Variants in RABGAP1L observed in about 807,000 individuals in gnomAD.
RABGAP1L encodes rab GTPase-activating protein 1-like.
In RABGAP1L, 63 loss-of-function variants were observed where a neutral mutation model predicts 137.7. The observed-to-expected ratio is 0.46, with a 90% CI of 0.37 to 0.56. The LOEUF is 0.56. Among genes scored for constraint, RABGAP1L ranks in the 20% least tolerant of loss-of-function variants. The pLI is 0.00. For missense variants in RABGAP1L, 1,095 were observed against 1,244.0 expected, an observed-to-expected ratio of 0.88 and a Z score of 1.80; for synonymous variants, 431 against 433.7, an observed-to-expected ratio of 0.99 and a Z score of 0.08.
intron 19 of RABGAP1L, among the ~76,000 whole-genome samples, chr1:174,881,540 C>T (rs1261834205): frequency 1.1e-4 from 14 of 130,660 alleles, no homozygotes; most frequent in Non-Finnish European, 3.1e-5. Context: ...CGCTCTGTCA[C>T]CTAGGCTGGA....
At chr1:174,600,195 A>C (rs1256689337) in intron 13 of RABGAP1L, among the ~76,000 whole-genome samples, 4 of 152,318 alleles carry the variant, frequency 2.6e-5, no homozygotes, top group Non-Finnish European at 5.9e-5. Flanking sequence ...TAGCACGGGA[A>C]AGACCATCCC....
chr1:174,274,793 G>C (rs1375204355), intron 8 of RABGAP1L, among the ~76,000 whole-genome samples: 2 of 152,032 alleles, frequency 1.3e-5, no homozygotes, highest in Non-Finnish European at 2.9e-5. Context: ...TAATACACTA[G>C]AAAAATATAC....
rs1364111041 is a variant in RABGAP1L at position 174,195,646 on chromosome 1, TTCC to T, written c.-33-23477_-33-23475del. On this transcript the variant is annotated intron_variant, in intron 1 of 25. Coordinates refer to ENST00000681986, the MANE Select transcript of RABGAP1L (RefSeq NM_001366446.1). The stretch of plus-strand genomic sequence containing the variant: ...CTTCCTTCCTTCCTTCCTTCCTTCC[TTCC>T]TTCCTTTCCTTTCCTTTCCTTTCCT... Among the ~76,000 whole-genome samples the T allele has an allele frequency of 1.3e-4, 12 of 94,840 alleles. No homozygotes were observed. The East Asian group carries it at 1.9e-3, about 15-fold the overall frequency. The allele number at this position is 94,840 out of a possible 152,430, so 62.2% of individuals were successfully genotyped here.
intron 11 of RABGAP1L, among the ~76,000 whole-genome samples, chr1:174,352,098 A>G (rs1683247960): frequency 6.6e-6 from 1 of 151,910 alleles, no homozygotes; most frequent in Admixed American, 6.6e-5. Flanking sequence ...GTGAGCCACC[A>G]CGCCCGGCCG....
intron 14 of RABGAP1L, among the ~76,000 whole-genome samples, chr1:174,670,120 T>TCCC (rs1677067574): frequency 3.3e-5 from 5 of 152,192 alleles, no homozygotes; most frequent in Admixed American, 2.6e-4. Flanking sequence ...GAACATGGGA[T>TCCC]ATCTTTCCAT....
intron 19 of RABGAP1L, among the ~76,000 whole-genome samples, chr1:174,832,360 G>A (rs1180399819): frequency 6.8e-6 from 1 of 147,834 alleles, no homozygotes; most frequent in Non-Finnish European, 1.5e-5. Flanking sequence ...AGGTCCATGA[G>A]TAGAGTACTG....
At chr1:174,321,151 C>T (rs1436286072) in intron 11 of RABGAP1L, among the ~76,000 whole-genome samples, 1 of 152,068 alleles carries the variant, frequency 6.6e-6, no homozygotes, top group African/African-American at 2.4e-5. Flanking sequence ...CACTCCCAGG[C>T]CTATTAGGAT....
Position 174,394,085 on chromosome 1 carries a change from A to G in RABGAP1L, c.1650A>G (p.Leu550=). 6.2e-7 allele frequency: 1 copy of G among 1,613,842 alleles called. No homozygotes were observed. Among genetic ancestry groups the G allele is most frequent in the Non-Finnish European group, 8.5e-7 (1 of 1,179,808 alleles). ...PEALRAEVWQ[L]LAGCHDNQAM... ...CATTGAGGGCAGAGGTATGGCAGTTATTGGCAGGCTGCCATGACAACCAGG... is the reference window on the plus strand; with the variant it reads ...CATTGAGGGCAGAGGTATGGCAGTTGTTGGCAGGCTGCCATGACAACCAGG... The change falls in exon 13 of 26, where the codon TTA becomes TTG. Residue 550 remains leucine, a synonymous_variant. Coordinates refer to ENST00000681986, the MANE Select transcript of RABGAP1L (RefSeq NM_001366446.1).
chr1:174,313,721 G>GA (rs1371330895), intron 11 of RABGAP1L, among the ~76,000 whole-genome samples: 1 of 152,112 alleles, frequency 6.6e-6, no homozygotes, highest in African/African-American at 2.4e-5. Context: ...TTTTAATCAT[G>GA]AAGGGATGTG....
chr1:174,448,334 A>G lies in RABGAP1L; in HGVS notation c.1710+54189A>G, dbSNP rs773745455. ...TTGTGCTCCACTGTTACATCATTAT[A>G]CTACCAGCTATTTCATTCAGACGAT... On this transcript the variant is annotated intron_variant, in intron 13 of 25. Coordinates refer to ENST00000681986, the MANE Select transcript of RABGAP1L (RefSeq NM_001366446.1). The surrounding 1 kb of genome is among the most constrained non-coding windows in gnomAD (Gnocchi z 4.2). The G allele has an allele frequency of 6.2e-7, 1 of 1,613,708 alleles. No homozygotes were observed. The highest frequency in any genetic ancestry group is 8.5e-7 in the Non-Finnish European group (1 of 1,179,650).
chr1:174,574,874 GGAAGA>G (rs1373456574), intron 13 of RABGAP1L, among the ~76,000 whole-genome samples: 1 of 152,182 alleles, frequency 6.6e-6, no homozygotes, highest in Non-Finnish European at 1.5e-5. Flanking sequence ...TCAGGTGGAA[GGAAGA>G]GTAGACTGGA....
Position 174,448,192 on chromosome 1 carries a change from C to T in RABGAP1L, c.1710+54047C>T. 1 of 1,613,732 alleles carries T rather than the reference C, an allele frequency of 6.2e-7. No homozygotes were observed. Among genetic ancestry groups the T allele is most frequent in the East Asian group, 2.2e-5 (1 of 44,864 alleles). On this transcript the variant is annotated intron_variant, in intron 13 of 25. Transcript: ENST00000681986. The surrounding 1 kb of genome is among the most constrained non-coding windows in gnomAD (Gnocchi z 4.2). Reference sequence around the variant, plus strand: ...TGAATGTGTCCGAGCGTCACTCCTGCCCACTTGGATTTGGCCACTACAGTG... The same window carrying T: ...TGAATGTGTCCGAGCGTCACTCCTGTCCACTTGGATTTGGCCACTACAGTG...
intron 13 of RABGAP1L, among the ~76,000 whole-genome samples, chr1:174,590,270 G>A (rs1479866429): frequency 2.0e-5 from 3 of 147,598 alleles, no homozygotes; most frequent in African/African-American, 7.4e-5. Flanking sequence ...TTAAATAAAT[G>A]AATATGAGAC....
At chr1:174,692,852 C>T (rs1678968069) in intron 15 of RABGAP1L, among the ~76,000 whole-genome samples, 1 of 151,996 alleles carries the variant, frequency 6.6e-6, no homozygotes, top group Non-Finnish European at 1.5e-5. Flanking sequence ...CTTGTAGCAT[C>T]CCTATGACAT....
chr1:174,260,029 T>G (rs1004569519), intron 7 of RABGAP1L, among the ~76,000 whole-genome samples: 2 of 152,136 alleles, frequency 1.3e-5, no homozygotes, highest in African/African-American at 4.8e-5. Flanking sequence ...AAGATGGGGT[T>G]TCACCATATT....
chr1:174,944,807 G>A (rs1360159761), intron 19 of RABGAP1L, among the ~76,000 whole-genome samples: 1 of 152,070 alleles, frequency 6.6e-6, no homozygotes, highest in African/African-American at 2.4e-5. Flanking sequence ...ATCTGGTATA[G>A]TAAAGTTGAA....
At chr1:174,320,920 A>G (rs1040953584) in intron 11 of RABGAP1L, among the ~76,000 whole-genome samples, 3 of 152,186 alleles carry the variant, frequency 2.0e-5, no homozygotes, top group African/African-American at 7.2e-5. Flanking sequence ...AAGGGAGATA[A>G]CCATTAGGTC....
In RABGAP1L at chr1:174,833,449, G is replaced by GATATATATATATATATATATATATATAT. The variant is rs760181639; in HGVS notation, c.2340+21508_2340+21509insTATATATATATATATATATATATATATA. Among the ~76,000 whole-genome samples, 84 of 27,796 alleles carry GATATATATATATATATATATATATATAT rather than the reference G, an allele frequency of 3.0e-3. 9 individuals carry two copies. Among genetic ancestry groups the GATATATATATATATATATATATATATAT allele is most frequent in the East Asian group, 6.7e-3 (2 of 298 alleles). The allele number at this position is 27,796 out of a possible 152,430, so 18.2% of individuals were successfully genotyped here. Reference sequence around the variant, plus strand: ...ATATATATATGTGTGTGTGTGTAGAGATATATATATATATATATAGTAGAG... The same window carrying GATATATATATATATATATATATATATAT: ...ATATATATATGTGTGTGTGTGTAGAGATATATATATATATATATATATATATATATATATATATATATATATAGTAGAG... On this transcript the variant is annotated intron_variant, in intron 19 of 25. Transcript: ENST00000681986.
chr1:174,622,285 A>C (rs1672564962), intron 13 of RABGAP1L, among the ~76,000 whole-genome samples: 2 of 152,244 alleles, frequency 1.3e-5, no homozygotes, highest in Admixed American at 1.3e-4. Flanking sequence ...CCATTGTGGA[A>C]GTCAGTGTGG....
Sources: allele counts gnomAD v4.1 joint callset (sites outside exome capture counted in the v4.1 genomes callset), GRCh38; gene constraint gnomAD v4.1.1; non-coding constraint Gnocchi (gnomAD v3.1); transcripts MANE v1.5; gene names NCBI Gene and HGNC (gene_info 2026-07-23, HGNC 2026-07-21).